NKD1: variants seen among roughly 807,000 people sequenced by gnomAD.
NKD1 encodes protein naked cuticle homolog 1.
In NKD1, 21 loss-of-function variants were observed where a neutral mutation model predicts 56.0. The observed-to-expected ratio is 0.38, with a 90% CI of 0.27 to 0.54. The LOEUF is 0.54. Among genes scored for constraint, NKD1 ranks in the 20% least tolerant of loss-of-function variants. The pLI, the probability that NKD1 is intolerant of heterozygous loss-of-function variation, is 0.82. For missense variants in NKD1, 578 were observed against 642.7 expected (o/e 0.90, Z 1.09); for synonymous variants, 263 against 265.7 (o/e 0.99, Z 0.10).
chr16:50,611,819 G>C (rs765170530), intron 4 of NKD1, among the ~76,000 whole-genome samples: 16 of 152,288 alleles, frequency 1.1e-4, no homozygotes, highest in Non-Finnish European at 2.2e-4. Flanking sequence ...GTTCCTTGTA[G>C]CACTTCTTTG....
chr16:50,633,699 A>G lies in NKD1; in HGVS notation c.1331A>G (p.Gln444Arg), dbSNP rs753271450. The change falls in exon 10 of 10, where the codon CAG becomes CGG. Residue 444 changes from glutamine to arginine, a missense_variant. Gln to Arg is a conservative substitution (Grantham distance 43). Coordinates refer to ENST00000268459, the MANE Select transcript of NKD1 (RefSeq NM_033119.5). This position sits in a 1 kb window ranked among gnomAD's most constrained non-coding sequence, Gnocchi z 4.9. ...ELPALVVYES[Q>R]AGQPVQRHEH... ...CCCGCCTTGGTGGTGTATGAGAGCC[A>G]GGCCGGGCAGCCGGTCCAGAGACAT... 11 of 1,592,672 alleles carry G rather than the reference A, an allele frequency of 6.9e-6. No homozygotes were observed. Among genetic ancestry groups the G allele is most frequent in the Non-Finnish European group, 9.4e-6 (11 of 1,170,034 alleles).
intron 3 of NKD1, chr16:50,551,730 T>G (rs190799003): frequency 3.9e-5 from 6 of 151,992 alleles, no homozygotes; most frequent in Admixed American, 3.9e-4. Context: ...TCTTTTTTTT[T>G]TTACCAGAAA....
chr16:50,594,705 A>T (rs1961437447), intron 3 of NKD1, among the ~76,000 whole-genome samples: 1 of 152,050 alleles, frequency 6.6e-6, no homozygotes, highest in Admixed American at 6.5e-5. Flanking sequence ...GGGTGGGGAC[A>T]CGGCAGTTCT....
At chr16:50,611,841 G>A (rs942702844) in intron 4 of NKD1, among the ~76,000 whole-genome samples, 7 of 152,152 alleles carry the variant, frequency 4.6e-5, no homozygotes, top group Admixed American at 6.5e-5. Context: ...CAGGGTTATT[G>A]TGAAGACAAT....
intron 3 of NKD1, among the ~76,000 whole-genome samples, chr16:50,561,408 A>AT (rs1960630502): frequency 6.6e-6 from 1 of 151,762 alleles, no homozygotes; most frequent in Admixed American, 6.6e-5. Flanking sequence ...AAAAAAAAAA[A>AT]GTCCAAAGAT....
chr16:50,554,811 G>A (rs947892343), intron 3 of NKD1, among the ~76,000 whole-genome samples: 4 of 151,904 alleles, frequency 2.6e-5, no homozygotes, highest in African/African-American at 9.7e-5. Context: ...TATAGAGATC[G>A]GGTCTTGCTT....
At chr16:50,571,013 C>T (rs1430735370) in intron 3 of NKD1, 2 of 984,868 alleles carry the variant, frequency 2.0e-6, no homozygotes, top group Non-Finnish European at 2.4e-6. Flanking sequence ...CCTGGGTGTG[C>T]ACCTGTCCCG....
chr16:50,580,910 A>T (rs1341750469), intron 3 of NKD1, among the ~76,000 whole-genome samples: 1 of 152,162 alleles, frequency 6.6e-6, no homozygotes, highest in Non-Finnish European at 1.5e-5. Context: ...TTTCTATAGA[A>T]CTATATTGCT....
At position 50,621,408 on chromosome 16, in the gene NKD1, G is replaced by A. The variant is rs183748851; in HGVS notation, c.260-194G>A. Among the ~76,000 whole-genome samples, 4 of 152,356 alleles carry A rather than the reference G, an allele frequency of 2.6e-5. No individual in the cohort carries two copies. In the East Asian group the frequency reaches 5.8e-4, roughly 22 times the overall value. On this transcript the variant is annotated intron_variant, in intron 4 of 9. Coordinates refer to ENST00000268459, the MANE Select transcript of NKD1 (RefSeq NM_033119.5). The stretch of plus-strand genomic sequence containing the variant: ...CGGTGCAAGTGGGTGCACCATGTTG[G>A]GGGAAGGTCTTCCCAGGCAGTACCA...
In NKD1 at chr16:50,549,421, G is replaced by C; in HGVS notation, c.59-1G>C. On this transcript the variant is annotated splice_acceptor_variant, in intron 2 of 9. Coordinates refer to ENST00000268459, the MANE Select transcript of NKD1 (RefSeq NM_033119.5). LOFTEE classifies it high-confidence loss of function. Reference sequence around the variant, plus strand: ...GGGGCTTCATGTCGTCCCCGTCCCAGGTGACAGCTTCGCCGTGAGCGCTGC... The same window carrying C: ...GGGGCTTCATGTCGTCCCCGTCCCACGTGACAGCTTCGCCGTGAGCGCTGC... 6.2e-7 allele frequency: 1 copy of C among 1,610,900 alleles called. No individual in the cohort carries two copies. The highest frequency in any genetic ancestry group is 8.5e-7 in the Non-Finnish European group (1 of 1,178,692).
Position 50,549,412 on chromosome 16 carries a change from C to G in NKD1, c.59-10C>G. On this transcript the variant is annotated splice_polypyrimidine_tract_variant and intron_variant, in intron 2 of 9. Coordinates refer to ENST00000268459, the MANE Select transcript of NKD1 (RefSeq NM_033119.5). ...CCAGACTCAGGGGCTTCATGTCGTC[C>G]CCGTCCCAGGTGACAGCTTCGCCGT... 1.2e-6 allele frequency: 2 copies of G among 1,610,070 alleles called. No homozygotes were observed. Among genetic ancestry groups the G allele is most frequent in the Non-Finnish European group, 1.7e-6 (2 of 1,178,264 alleles).
At chr16:50,587,323 C>T (rs752764931) in intron 3 of NKD1, among the ~76,000 whole-genome samples, 9 of 152,176 alleles carry the variant, frequency 5.9e-5, no homozygotes, top group Admixed American at 1.3e-4. Context: ...CACTTTGAAT[C>T]GCAAGGCTGG....
intron 6 of NKD1, among the ~76,000 whole-genome samples, chr16:50,625,968 C>T (rs1295932481): frequency 1.3e-5 from 2 of 152,338 alleles, no homozygotes; most frequent in South Asian, 4.1e-4. Flanking sequence ...CCACCACAGG[C>T]CACCTCCCTT....
At chr16:50,628,297 C>T (rs954975544) in intron 6 of NKD1, among the ~76,000 whole-genome samples, 3 of 152,216 alleles carry the variant, frequency 2.0e-5, no homozygotes, top group African/African-American at 4.8e-5. Context: ...GCTGAGCGGC[C>T]GTGCCTCCCA....
intron 3 of NKD1, among the ~76,000 whole-genome samples, chr16:50,579,489 A>G (rs930225887): frequency 2.3e-5 from 3 of 127,992 alleles, no homozygotes; most frequent in Non-Finnish European, 4.9e-5. Context: ...TACCCGCTAC[A>G]CACGCACTCT....
chr16:50,559,271 C>T (rs1250073522), intron 3 of NKD1, among the ~76,000 whole-genome samples: 2 of 152,142 alleles, frequency 1.3e-5, no homozygotes, highest in Non-Finnish European at 2.9e-5. Context: ...TGGATGTGTG[C>T]TCAGTGTGGT....
chr16:50,559,370 G>A (rs566865293), intron 3 of NKD1, among the ~76,000 whole-genome samples: 21 of 152,294 alleles, frequency 1.4e-4, no homozygotes, highest in South Asian at 1.2e-3. Context: ...TGCGTAAGTC[G>A]TTAAGACCCA....
At chr16:50,599,209 A>G (rs1020115111) in intron 3 of NKD1, among the ~76,000 whole-genome samples, 6 of 152,072 alleles carry the variant, frequency 3.9e-5, no homozygotes, top group African/African-American at 1.4e-4. Flanking sequence ...AGAATGAAAG[A>G]CCAGGGCCCG....
chr16:50,630,804 G>T, intron 7 of NKD1, 22 bp from the exon 8 acceptor site: 1 of 1,570,744 alleles, frequency 6.4e-7, no homozygotes, highest in Non-Finnish European at 8.6e-7. Context: ...GGTGTCTCCT[G>T]TGCTTCTCGG....
Sources: gnomAD v4.1 joint callset for allele counts (sites outside exome capture counted in the v4.1 genomes callset) on GRCh38, gnomAD v4.1.1 for gene constraint, Gnocchi (gnomAD v3.1) non-coding constraint, MANE v1.5 for transcripts, NCBI Gene and HGNC (gene_info 2026-07-23, HGNC 2026-07-21) for gene names.